Variants in SMIM35 observed in about 807,000 individuals in gnomAD.
The protein encoded by SMIM35 is TMPRSS4 antisense RNA 1 (non-protein coding).
chr11:118,052,658 C>T (rs1042698233), intron 1 of SMIM35, among the ~76,000 whole-genome samples: 1 of 152,012 alleles, frequency 6.6e-6, no homozygotes. Flanking sequence ...CGCCTACGCC[C>T]CCTTCCTTCC....
At chr11:118,067,381 C>T (rs1944492263) in intron 1 of SMIM35, 1 of 152,174 alleles carries the variant, frequency 6.6e-6, no homozygotes, top group South Asian at 2.1e-4. Flanking sequence ...ATATGGTGAC[C>T]TCTTAGGAGC....
At chr11:118,056,546 G>A (rs568731369) in intron 1 of SMIM35, among the ~76,000 whole-genome samples, 15 of 152,198 alleles carry the variant, frequency 9.9e-5, no homozygotes, top group Non-Finnish European at 2.1e-4. Context: ...TAGAGATGTA[G>A]GTTTAGAGCT....
chr11:118,072,811 C>CA, intron 1 of SMIM35, among the ~76,000 whole-genome samples: 1 of 152,308 alleles, frequency 6.6e-6, no homozygotes, highest in African/African-American at 2.4e-5. Flanking sequence ...AGAGGTAGGC[C>CA]TAGCATGAGC....
At chr11:118,032,401 T>C (rs1484160338) in intron 1 of SMIM35, among the ~76,000 whole-genome samples, 2 of 152,200 alleles carry the variant, frequency 1.3e-5, no homozygotes, top group African/African-American at 4.8e-5. Flanking sequence ...TTTAAGTGGA[T>C]ATAGTAAAAT....
At chr11:118,053,531 A>T (rs191181773) in intron 1 of SMIM35, among the ~76,000 whole-genome samples, 156 of 151,692 alleles carry the variant, frequency 1.0e-3, no homozygotes, top group Non-Finnish European at 1.9e-3. Flanking sequence ...TCCTTATTCA[A>T]CTCCTCCAAA....
intron 1 of SMIM35, among the ~76,000 whole-genome samples, chr11:118,068,896 G>T (rs1410783705): frequency 2.0e-5 from 3 of 152,314 alleles, no homozygotes; most frequent in African/African-American, 7.2e-5. Flanking sequence ...AGTCAAGCCA[G>T]AGCCACCAGC....
Position 118,020,032 on chromosome 11 carries a change from G to T in SMIM35, c.8-4223C>A, listed in dbSNP as rs149664014. ...TAATCCCAGCATTTGGGAGGCCAAG[G>T]TTGTCGGATCAACTGAGGTCAGGAG... On this transcript the variant is annotated intron_variant, in intron 1 of 4. Transcript: ENST00000689828. Among the ~76,000 whole-genome samples, 1,121 of 152,306 alleles carry T rather than the reference G, an allele frequency of 7.4e-3. 10 individuals carry two copies. The highest frequency in any genetic ancestry group is 0.026 in the African/African-American group (1,085 of 41,550).
At chr11:118,034,489 G>A (rs56310543) in intron 1 of SMIM35, among the ~76,000 whole-genome samples, 34,899 of 152,130 alleles carry the variant, frequency 0.23, 4,705 homozygotes, top group Non-Finnish European at 0.31. Flanking sequence ...TTGGGAGGCC[G>A]AGGCAGGCAG....
chr11:118,023,717 T>C (rs939854190), intron 1 of SMIM35, among the ~76,000 whole-genome samples: 2 of 149,188 alleles, frequency 1.3e-5, no homozygotes, highest in Non-Finnish European at 3.0e-5. Flanking sequence ...AGGTGAGACA[T>C]AGAGGGGAAA....
chr11:118,068,676 C>A (rs929917960), intron 1 of SMIM35, among the ~76,000 whole-genome samples: 1 of 152,198 alleles, frequency 6.6e-6, no homozygotes, highest in African/African-American at 2.4e-5. Flanking sequence ...CAGGATGGTA[C>A]CTGCATGTGG....
At chr11:118,030,907 T>C (rs904854949) in intron 1 of SMIM35, among the ~76,000 whole-genome samples, 17 of 151,948 alleles carry the variant, frequency 1.1e-4, no homozygotes, top group Non-Finnish European at 2.4e-4. Context: ...AAGGCCATGA[T>C]GGTGCAGCCC....
chr11:118,032,743 C>T (rs949125851), intron 1 of SMIM35, among the ~76,000 whole-genome samples: 16 of 151,906 alleles, frequency 1.1e-4, no homozygotes, highest in African/African-American at 3.6e-4. Context: ...CCCGTCTCTA[C>T]CAAAAAATAC....
intron 1 of SMIM35, among the ~76,000 whole-genome samples, chr11:118,052,027 G>A (rs1261257523): frequency 6.6e-6 from 1 of 152,174 alleles, no homozygotes. Flanking sequence ...CTGATGACAT[G>A]AGAGGTGTGA....
intron 1 of SMIM35, among the ~76,000 whole-genome samples, chr11:118,041,369 C>T (rs1415561202): frequency 6.6e-6 from 1 of 152,140 alleles, no homozygotes; most frequent in African/African-American, 2.4e-5. Flanking sequence ...TTCAAGTGTA[C>T]ATAAAACATC....
At chr11:118,052,190 C>A (rs753007048) in intron 1 of SMIM35, among the ~76,000 whole-genome samples, 1 of 152,218 alleles carries the variant, frequency 6.6e-6, no homozygotes, top group Non-Finnish European at 1.5e-5. Flanking sequence ...TCCCCACCCA[C>A]GTCCCCCAAC....
intron 1 of SMIM35, among the ~76,000 whole-genome samples, chr11:118,017,727 T>A (rs755216379): frequency 0.039 from 5,887 of 152,240 alleles, 278 homozygotes; most frequent in African/African-American, 0.12. Context: ...GAAAGAGGTT[T>A]AATTGACTCA....
intron 1 of SMIM35, among the ~76,000 whole-genome samples, chr11:118,041,023 T>C (rs970763432): frequency 6.6e-6 from 1 of 151,918 alleles, no homozygotes; most frequent in African/African-American, 2.4e-5. Context: ...TAGAGCTACA[T>C]AGGAGTAATA....
intron 1 of SMIM35, among the ~76,000 whole-genome samples, chr11:118,069,016 C>A (rs547421244): frequency 5.9e-5 from 9 of 152,330 alleles, no homozygotes; most frequent in African/African-American, 1.9e-4. Context: ...GTTAACGGAC[C>A]ACCATTGACT....
intron 1 of SMIM35, among the ~76,000 whole-genome samples, chr11:118,027,884 C>T (rs1041021410): frequency 3.3e-5 from 5 of 152,222 alleles, no homozygotes; most frequent in African/African-American, 7.2e-5. Flanking sequence ...CTCCCAGCCT[C>T]CACTCTTACC....
Sources: allele counts gnomAD v4.1 joint callset (sites outside exome capture counted in the v4.1 genomes callset), GRCh38; gene constraint gnomAD v4.1.1; transcripts MANE v1.5; gene names NCBI Gene and HGNC (gene_info 2026-07-23, HGNC 2026-07-21).